Variants in DENND1A observed in about 807,000 individuals in gnomAD.
DENND1A encodes the protein DENN domain-containing protein 1A.
A neutral mutation model predicts 113.7 loss-of-function variants in DENND1A; 51 were observed. The observed-to-expected ratio is 0.45, with a 90% CI of 0.36 to 0.57. The LOEUF (loss-of-function observed/expected upper bound fraction) is 0.57. Among genes scored for constraint, DENND1A ranks in the 20% least tolerant of loss-of-function variants. The pLI, the probability that DENND1A is intolerant of heterozygous loss-of-function variation, is 0.00. For synonymous variants in DENND1A, 565 were observed against 570.8 expected (o/e 0.99, Z 0.14); for missense variants, 1,258 against 1,395.9 (o/e 0.90, Z 1.57).
At chr9:123,557,006 C>G (rs2057454514) in intron 13 of DENND1A, among the ~76,000 whole-genome samples, 1 of 152,224 alleles carries the variant, frequency 6.6e-6, no homozygotes, top group African/African-American at 2.4e-5. Flanking sequence ...GGCAAGGTCA[C>G]TTCCCGGTCT....
intron 1 of DENND1A, among the ~76,000 whole-genome samples, chr9:123,928,420 T>C (rs902212814): frequency 2.0e-5 from 3 of 152,232 alleles, no homozygotes; most frequent in African/African-American, 7.2e-5. Context: ...CAACTCTTAC[T>C]TGGAAGCAGG....
chr9:123,617,248 A>C (rs2060697422), intron 10 of DENND1A, among the ~76,000 whole-genome samples: 1 of 152,234 alleles, frequency 6.6e-6, no homozygotes, highest in African/African-American at 2.4e-5. Context: ...GAGACCAGGA[A>C]TAATTCTAGA....
chr9:123,545,715 C>T (rs1164510879), intron 13 of DENND1A, among the ~76,000 whole-genome samples: 1 of 152,094 alleles, frequency 6.6e-6, no homozygotes, highest in African/African-American at 2.4e-5. Flanking sequence ...GATCCGCCCA[C>T]CTCAGCCTCC....
chr9:123,423,251 A>G (rs1444368166), intron 19 of DENND1A, among the ~76,000 whole-genome samples: 1 of 152,170 alleles, frequency 6.6e-6, no homozygotes, highest in African/African-American at 2.4e-5. Flanking sequence ...GGCTCCGGTA[A>G]GAGTCCCCTG....
At chr9:123,876,844 T>G (rs944638412) in intron 2 of DENND1A, among the ~76,000 whole-genome samples, 8 of 152,098 alleles carry the variant, frequency 5.3e-5, no homozygotes, top group Admixed American at 4.6e-4. Context: ...AATGGGCAAT[T>G]GGATAAAGAA....
chr9:123,559,983 T>C (rs1310382559), intron 12 of DENND1A, among the ~76,000 whole-genome samples: 1 of 145,170 alleles, frequency 6.9e-6, no homozygotes, highest in Non-Finnish European at 1.5e-5. Flanking sequence ...AGTGCTTTTA[T>C]GAACAAGGTT....
chr9:123,676,355 A>C (rs1036052621), intron 6 of DENND1A, among the ~76,000 whole-genome samples: 1 of 152,220 alleles, frequency 6.6e-6, no homozygotes, highest in Non-Finnish European at 1.5e-5. Flanking sequence ...TGACATGAGC[A>C]ATTCAGATAT....
chr9:123,927,973 C>A (rs543046148), intron 1 of DENND1A, among the ~76,000 whole-genome samples: 32 of 152,344 alleles, frequency 2.1e-4, no homozygotes, highest in Middle Eastern at 3.4e-3. Context: ...AACTACTTTT[C>A]ATAACTTCTC....
intron 1 of DENND1A, among the ~76,000 whole-genome samples, chr9:123,912,285 GAGA>G (rs1331105772): frequency 6.6e-6 from 1 of 152,158 alleles, no homozygotes; most frequent in African/African-American, 2.4e-5. Context: ...AAGGCAGAGA[GAGA>G]AGCAGAACAG....
chr9:123,560,146 C>A (rs891015086), intron 12 of DENND1A, among the ~76,000 whole-genome samples: 1 of 152,070 alleles, frequency 6.6e-6, no homozygotes, highest in South Asian at 2.1e-4. Context: ...AATGCTGCTA[C>A]GAAGATTCAT....
intron 19 of DENND1A, among the ~76,000 whole-genome samples, chr9:123,418,829 C>T (rs1475989680): frequency 6.6e-6 from 1 of 152,246 alleles, no homozygotes; most frequent in Non-Finnish European, 1.5e-5. Flanking sequence ...GTAACAGGCC[C>T]TGAGAAGAGG....
At chr9:123,872,122 T>C (rs1846717844) in intron 2 of DENND1A, among the ~76,000 whole-genome samples, 1 of 152,126 alleles carries the variant, frequency 6.6e-6, no homozygotes, top group Non-Finnish European at 1.5e-5. Flanking sequence ...TATGTAAAGG[T>C]AGGTTCTTAA....
intron 11 of DENND1A, among the ~76,000 whole-genome samples, chr9:123,587,098 C>A (rs1292792725): frequency 1.3e-5 from 2 of 151,564 alleles, no homozygotes; most frequent in East Asian, 3.9e-4. Flanking sequence ...GCGGTGCCAA[C>A]AATGCACTGG....
Position 123,383,753 on chromosome 9 carries a change from T to C in DENND1A, c.1921A>G (p.Met641Val), listed in dbSNP as rs778344810. Residue 641 changes from methionine (M) to valine (V), a missense_variant, in exon 23 of 24, where the codon ATG becomes GTG. Met to Val is a conservative substitution (Grantham distance 21). Coordinates refer to ENST00000394215, the MANE Select transcript of DENND1A (RefSeq NM_001352964.2). Reference protein sequence around the residue: ...LLEDVFSNLDMEAALQPLGQA... With the variant: ...LLEDVFSNLDVEAALQPLGQA... ...CCCAGTGGCTGCAGTGCGGCCTCCA[T>C]GTCCAGGTTGCTGAAGACGTCTTCC... The C allele has an allele frequency of 1.6e-5, 26 of 1,613,998 alleles. No individual in the cohort carries two copies. Among genetic ancestry groups the C allele is most frequent in the African/African-American group, 6.7e-5 (5 of 74,944 alleles).
chr9:123,626,833 A>T (rs1327577153), intron 10 of DENND1A, among the ~76,000 whole-genome samples: 4 of 152,180 alleles, frequency 2.6e-5, no homozygotes, highest in African/African-American at 2.4e-5. Flanking sequence ...AATGATACCC[A>T]AGAAAACAGA....
At chr9:123,589,383 T>C (rs1315812233) in intron 11 of DENND1A, among the ~76,000 whole-genome samples, 1 of 152,014 alleles carries the variant, frequency 6.6e-6, no homozygotes, top group Non-Finnish European at 1.5e-5. Flanking sequence ...TTACTTCCAA[T>C]TATTTTAAAG....
intron 8 of DENND1A, among the ~76,000 whole-genome samples, chr9:123,655,674 A>G (rs1180983150): frequency 3.3e-5 from 5 of 152,210 alleles, no homozygotes; most frequent in Admixed American, 1.3e-4. Context: ...TTCATTTCAC[A>G]GCCAGGCCAA....
intron 20 of DENND1A, among the ~76,000 whole-genome samples, chr9:123,406,829 C>T (rs1393802332): frequency 6.6e-6 from 1 of 152,074 alleles, no homozygotes. Flanking sequence ...CCCTGCCCCG[C>T]GGGGCCCCGG....
At chr9:123,579,832 T>C (rs371551711) in intron 12 of DENND1A, among the ~76,000 whole-genome samples, 4 of 152,300 alleles carry the variant, frequency 2.6e-5, no homozygotes, top group South Asian at 2.1e-4. Flanking sequence ...GTGAATTCCA[T>C]TGAAATACAA....
Sources: gnomAD v4.1 joint callset for allele counts (sites outside exome capture counted in the v4.1 genomes callset) on GRCh38, gnomAD v4.1.1 for gene constraint, MANE v1.5 for transcripts, NCBI Gene and HGNC (gene_info 2026-07-23, HGNC 2026-07-21) for gene names.